The following QKI variants were observed in gnomAD, a reference collection of about 807,000 sequenced individuals.
QKI encodes the protein KH domain-containing RNA-binding protein QKI.
In QKI, 10 loss-of-function variants were observed where a neutral mutation model predicts 39.0. The observed-to-expected ratio is 0.26, with a 90% CI of 0.16 to 0.43. The LOEUF is 0.43. Among genes scored for constraint, QKI ranks in the 20% least tolerant of loss-of-function variants. QKI has a pLI of 1.00. For missense variants in QKI, 218 were observed against 428.0 expected, an observed-to-expected ratio of 0.51 and a Z score of 4.33; for synonymous variants, 204 against 155.4, an observed-to-expected ratio of 1.31 and a Z score of -2.33.
At chr6:163,493,635 G>A (rs566825460) in intron 3 of QKI, among the ~76,000 whole-genome samples, 1 of 152,238 alleles carries the variant, frequency 6.6e-6, no homozygotes, top group East Asian at 1.9e-4. Flanking sequence ...CCACTGAGGT[G>A]GGAGGATCAT....
intron 2 of QKI, among the ~76,000 whole-genome samples, chr6:163,467,883 AC>A (rs543198451): frequency 1.3e-5 from 2 of 152,174 alleles, no homozygotes; most frequent in Non-Finnish European, 2.9e-5. Context: ...TCCAGATAAA[AC>A]CATTGCAACT....
chr6:163,535,377 G>A (rs1185449359), intron 4 of QKI, among the ~76,000 whole-genome samples: 1 of 152,052 alleles, frequency 6.6e-6, no homozygotes, highest in Non-Finnish European at 1.5e-5. Flanking sequence ...ATGCTTTTGT[G>A]TTATCAGTTC....
At chr6:163,459,805 T>C (rs1316208018) in intron 2 of QKI, among the ~76,000 whole-genome samples, 1 of 152,204 alleles carries the variant, frequency 6.6e-6, no homozygotes, top group African/African-American at 2.4e-5. Context: ...GATTAAATTA[T>C]TGAAGACTTT....
At chr6:163,562,364 C>CAGAT (rs78497354) in intron 5 of QKI, among the ~76,000 whole-genome samples, 9,223 of 152,284 alleles carry the variant, frequency 0.061, 316 homozygotes, top group South Asian at 0.095. Context: ...TGGTTAACTA[C>CAGAT]AGATGTAGGG....
At chr6:163,548,495 T>C (rs765407390) in intron 4 of QKI, among the ~76,000 whole-genome samples, 30 of 152,340 alleles carry the variant, frequency 2.0e-4, no homozygotes, top group Middle Eastern at 3.4e-3. Flanking sequence ...GTCATACACA[T>C]ACGTAAGCCT....
intron 1 of QKI, among the ~76,000 whole-genome samples, chr6:163,435,382 G>A (rs1461277872): frequency 6.6e-6 from 1 of 152,114 alleles, no homozygotes; most frequent in Non-Finnish European, 1.5e-5. Flanking sequence ...GAATTTAATC[G>A]CAAACTGGCA....
chr6:163,544,828 G>C (rs750017102), intron 4 of QKI, among the ~76,000 whole-genome samples: 4 of 152,056 alleles, frequency 2.6e-5, no homozygotes, highest in Non-Finnish European at 5.9e-5. Flanking sequence ...ATTTTGAGGA[G>C]AGAACAGTTG....
chr6:163,421,395 G>T (rs898120402), intron 1 of QKI, among the ~76,000 whole-genome samples: 1 of 152,104 alleles, frequency 6.6e-6, no homozygotes, highest in African/African-American at 2.4e-5. Flanking sequence ...CTCAGCTCTT[G>T]GAAAATTTTG....
rs1004229082 is a variant in QKI, at chr6:163,572,518, C to G, written c.*1808C>G. 1 of 151,876 alleles carries G rather than the reference C, an allele frequency of 6.6e-6. No individual in the cohort carries two copies. The highest frequency in any genetic ancestry group is 1.5e-5 in the Non-Finnish European group (1 of 67,986). 9.4% of individuals were successfully genotyped at this position (151,876 alleles called of 1,614,324 possible). The stretch of plus-strand genomic sequence containing the variant: ...ATCATAGTGCATATAAATACTCAAC[C>G]ACATTTCAGCTTAAGCTTCTAATTT... On this transcript the variant is annotated 3_prime_UTR_variant, in exon 8 of 8. Coordinates refer to ENST00000361752, the MANE Select transcript of QKI (RefSeq NM_006775.3).
In QKI at chr6:163,508,781, G is replaced by A. The variant is rs556585735; in HGVS notation, c.403-26201G>A. On this transcript the variant is annotated intron_variant, in intron 3 of 7. Coordinates refer to ENST00000361752, the MANE Select transcript of QKI (RefSeq NM_006775.3). Reference sequence around the variant, plus strand: ...TGACCTCAGGTGATACACCCACGTCGGCCTCCCAGAGTGCTAGGATTACAG... The same window carrying A: ...TGACCTCAGGTGATACACCCACGTCAGCCTCCCAGAGTGCTAGGATTACAG... Among the ~76,000 whole-genome samples, 89 of 151,722 alleles carry A rather than the reference G, an allele frequency of 5.9e-4. No homozygotes were observed. In the East Asian group the frequency reaches 5.9e-3, roughly 10 times the overall value.
chr6:163,530,985 C>T (rs1780814783), intron 3 of QKI, among the ~76,000 whole-genome samples: 1 of 152,102 alleles, frequency 6.6e-6, no homozygotes, highest in African/African-American at 2.4e-5. Context: ...TTCTGAACCT[C>T]TTGGACTAGT....
At chr6:163,493,833 T>C (rs1778221338) in intron 3 of QKI, among the ~76,000 whole-genome samples, 1 of 86,896 alleles carries the variant, frequency 1.2e-5, no homozygotes, top group Non-Finnish European at 2.5e-5. Context: ...AAAAAATCAC[T>C]TTTTTAAAGG....
intron 2 of QKI, among the ~76,000 whole-genome samples, chr6:163,471,304 A>G (rs1345525608): frequency 6.6e-6 from 1 of 152,164 alleles, no homozygotes; most frequent in Non-Finnish European, 1.5e-5. Flanking sequence ...GTTCATTACT[A>G]GAAGACGTTC....
In QKI at chr6:163,572,617, GAATA is replaced by G. The variant is rs1466484129; in HGVS notation, c.*1909_*1912del. On this transcript the variant is annotated 3_prime_UTR_variant, in exon 8 of 8. Transcript: ENST00000361752. Reference sequence around the variant, plus strand: ...AAAGCCTACATCTAAACACTTGAGTGAATAATCATTAACTGCTCAGTACCAGACG... The same window carrying G: ...AAAGCCTACATCTAAACACTTGAGTGATCATTAACTGCTCAGTACCAGACG... The G allele has an allele frequency of 2.2e-5, 3 of 136,420 alleles. No individual in the cohort carries two copies. The Admixed American group carries it at 2.5e-4, about 12-fold the overall frequency. The allele number at this position is 136,420 out of a possible 1,614,324, so 8.5% of individuals were successfully genotyped here.
intron 1 of QKI, chr6:163,428,883 A>G (rs1434204534): frequency 1.3e-5 from 2 of 152,246 alleles, no homozygotes; most frequent in South Asian, 4.1e-4. Flanking sequence ...TGACTTTGCC[A>G]CCTTTGTAAC....
intron 1 of QKI, among the ~76,000 whole-genome samples, chr6:163,451,022 C>T (rs542839367): frequency 7.2e-5 from 11 of 152,188 alleles, no homozygotes; most frequent in Admixed American, 3.9e-4. Flanking sequence ...ATTCTTGACT[C>T]GGAGACTATT....
At chr6:163,541,514 T>C (rs1781517260) in intron 4 of QKI, among the ~76,000 whole-genome samples, 1 of 142,160 alleles carries the variant, frequency 7.0e-6, no homozygotes. Flanking sequence ...TTTTTTTTCC[T>C]TTTCTCTAGT....
At chr6:163,474,787 TAA>T (rs35897463) in intron 2 of QKI, among the ~76,000 whole-genome samples, 28 of 108,622 alleles carry the variant, frequency 2.6e-4, no homozygotes, top group African/African-American at 6.7e-4. Context: ...ACAAAAAAGT[TAA>T]AAAAAAAAAA....
intron 3 of QKI, among the ~76,000 whole-genome samples, chr6:163,495,049 G>A (rs1439038247): frequency 6.6e-6 from 1 of 151,830 alleles, no homozygotes; most frequent in Non-Finnish European, 1.5e-5. Flanking sequence ...CCAGGTATCT[G>A]GGATTATAGG....
Sources: allele counts gnomAD v4.1 joint callset (sites outside exome capture counted in the v4.1 genomes callset), GRCh38; gene constraint gnomAD v4.1.1; transcripts MANE v1.5; gene names NCBI Gene and HGNC (gene_info 2026-07-23, HGNC 2026-07-21).